The following CNTNAP5 variants were observed in gnomAD, a reference collection of about 807,000 sequenced individuals.
CNTNAP5 encodes contactin associated protein family member 5.
CNTNAP5 carries 72 observed loss-of-function variants against 150.2 expected under a neutral mutation model. The observed-to-expected ratio is 0.48, with a 90% CI of 0.40 to 0.58. The LOEUF is 0.58. Among genes scored for constraint, CNTNAP5 ranks in the 20% least tolerant of loss-of-function variants. CNTNAP5 has a pLI of 0.00. For synonymous variants in CNTNAP5, 672 were observed against 619.8 expected, an observed-to-expected ratio of 1.08 and a Z score of -1.25; for missense variants, 1,636 against 1,626.2, an observed-to-expected ratio of 1.01 and a Z score of -0.10.
intron 10 of CNTNAP5, among the ~76,000 whole-genome samples, chr2:124,547,123 A>AT (rs1304859990): frequency 1.3e-5 from 2 of 152,022 alleles, no homozygotes; most frequent in Admixed American, 6.6e-5. Flanking sequence ...TGCAAGTTTT[A>AT]TACCAGCCTC....
At chr2:124,306,217 C>G (rs554096782) in intron 3 of CNTNAP5, among the ~76,000 whole-genome samples, 5 of 152,118 alleles carry the variant, frequency 3.3e-5, no homozygotes, top group African/African-American at 1.2e-4. Context: ...AAGATCCCAG[C>G]TATGTTGTTC....
chr2:124,216,235 G>GCT (rs1400110564), intron 1 of CNTNAP5, among the ~76,000 whole-genome samples: 1 of 152,032 alleles, frequency 6.6e-6, no homozygotes, highest in Non-Finnish European at 1.5e-5. Flanking sequence ...GCTAGTGATG[G>GCT]CCTTTACATT....
chr2:124,741,783 T>A (rs1300027310), intron 13 of CNTNAP5, among the ~76,000 whole-genome samples: 2 of 152,138 alleles, frequency 1.3e-5, no homozygotes, highest in African/African-American at 4.8e-5. Flanking sequence ...CAAATGAAGA[T>A]GCAATATTGT....
intron 1 of CNTNAP5, among the ~76,000 whole-genome samples, chr2:124,054,178 C>T (rs1681784004): frequency 6.6e-6 from 1 of 152,048 alleles, no homozygotes; most frequent in South Asian, 2.1e-4. Context: ...ATAAAAGAGA[C>T]ATGTGTTCTT....
At chr2:124,600,173 T>C (rs1279076037) in intron 11 of CNTNAP5, among the ~76,000 whole-genome samples, 1 of 150,614 alleles carries the variant, frequency 6.6e-6, no homozygotes, top group Non-Finnish European at 1.5e-5. Context: ...ACACTCCTCA[T>C]GAAGAATAGT....
intron 3 of CNTNAP5, among the ~76,000 whole-genome samples, chr2:124,329,885 A>G (rs1689306778): frequency 6.6e-6 from 1 of 152,172 alleles, no homozygotes; most frequent in South Asian, 2.1e-4. Flanking sequence ...TTGTTTGTTT[A>G]CAGTTTAGAA....
chr2:124,089,274 T>G (rs1473948726), intron 1 of CNTNAP5, among the ~76,000 whole-genome samples: 3 of 56,724 alleles, frequency 5.3e-5, no homozygotes, highest in African/African-American at 1.8e-4. Context: ...ACCCCACCTA[T>G]TTTTTTTTTT....
intron 19 of CNTNAP5, among the ~76,000 whole-genome samples, chr2:124,838,642 C>G (rs974694545): frequency 6.6e-6 from 1 of 152,114 alleles, no homozygotes; most frequent in African/African-American, 2.4e-5. Context: ...CTACACAAAC[C>G]CCCTATTCAT....
At chr2:124,773,130 T>C (rs1681243069) in intron 17 of CNTNAP5, 113 bp downstream of exon 17, 1 of 785,576 alleles carries the variant, frequency 1.3e-6, no homozygotes, top group Non-Finnish European at 2.2e-6. Flanking sequence ...CAAAATGTCA[T>C]AAATCATTTC....
intron 17 of CNTNAP5, among the ~76,000 whole-genome samples, chr2:124,786,964 T>A (rs1434427846): frequency 1.3e-5 from 2 of 152,218 alleles, no homozygotes; most frequent in Non-Finnish European, 2.9e-5. Flanking sequence ...CACTGTGTCA[T>A]TACGGTTTGT....
At chr2:124,651,802 A>G (rs995942178) in intron 13 of CNTNAP5, among the ~76,000 whole-genome samples, 22 of 152,322 alleles carry the variant, frequency 1.4e-4, no homozygotes, top group African/African-American at 5.0e-4. Flanking sequence ...TGAACTGGGC[A>G]CATTCCTGGG....
At chr2:124,691,115 C>T (rs1253214803) in intron 13 of CNTNAP5, among the ~76,000 whole-genome samples, 1 of 152,056 alleles carries the variant, frequency 6.6e-6, no homozygotes, top group Admixed American at 6.6e-5. Context: ...GACGAGAAGG[C>T]TATGATCTAA....
chr2:124,903,124 GGAGCTTCTGT>G, intron 22 of CNTNAP5, 24 bp downstream of exon 22: 1 of 1,426,988 alleles, frequency 7.0e-7, no homozygotes, highest in South Asian at 1.4e-5. Flanking sequence ...CATGCACAAG[GGAGCTTCTGT>G]CACTAGCACT....
At chr2:124,768,640 A>C (rs972499316) in intron 16 of CNTNAP5, among the ~76,000 whole-genome samples, 2 of 152,106 alleles carry the variant, frequency 1.3e-5, no homozygotes, top group African/African-American at 4.8e-5. Context: ...AGGCAGGATG[A>C]ACCTAGAGAG....
chr2:124,852,197 G>A (rs962036926), intron 19 of CNTNAP5, among the ~76,000 whole-genome samples: 5 of 152,192 alleles, frequency 3.3e-5, no homozygotes, highest in African/African-American at 1.2e-4. Context: ...AAATACTGAA[G>A]TCTGATATTG....
intron 13 of CNTNAP5, among the ~76,000 whole-genome samples, chr2:124,668,376 A>G (rs1678743563): frequency 6.6e-6 from 1 of 152,224 alleles, no homozygotes; most frequent in South Asian, 2.1e-4. Context: ...CCAGCTGTTT[A>G]GCATGACAAG....
At chr2:124,063,784 T>A (rs1478737147) in intron 1 of CNTNAP5, among the ~76,000 whole-genome samples, 1 of 152,064 alleles carries the variant, frequency 6.6e-6, no homozygotes, top group African/African-American at 2.4e-5. Flanking sequence ...ACAGAAATGA[T>A]GTCATCAAAG....
intron 1 of CNTNAP5, among the ~76,000 whole-genome samples, chr2:124,177,077 A>C (rs1685083730): frequency 6.6e-6 from 1 of 151,810 alleles, no homozygotes; most frequent in African/African-American, 2.4e-5. Flanking sequence ...CAAACTCCTG[A>C]CCTCAGGTGA....
At chr2:124,713,172 C>G (rs1679843241) in intron 13 of CNTNAP5, among the ~76,000 whole-genome samples, 1 of 137,524 alleles carries the variant, frequency 7.3e-6, no homozygotes, top group Non-Finnish European at 1.6e-5. Flanking sequence ...CCCTCCCTCT[C>G]TCTTTTCCTC....
Sources: gnomAD v4.1 joint callset for allele counts (sites outside exome capture counted in the v4.1 genomes callset) on GRCh38, gnomAD v4.1.1 for gene constraint, MANE v1.5 for transcripts, NCBI Gene and HGNC (gene_info 2026-07-23, HGNC 2026-07-21) for gene names.